Variants in CCDC91 observed in about 807,000 individuals in gnomAD.
CCDC91 encodes the protein coiled-coil domain-containing protein 91.
Under a neutral mutation model 63.2 loss-of-function variants are expected in CCDC91, and 48 were observed. That is an observed-to-expected ratio of 0.76 (90% CI 0.60 to 0.97). The LOEUF (loss-of-function observed/expected upper bound fraction) is 0.97, where lower values mean the gene tolerates loss of function less well. Among genes scored for constraint, CCDC91 ranks in the 50% least tolerant of loss-of-function variants. The pLI is 0.00. For synonymous variants in CCDC91, 167 were observed against 165.8 expected (o/e 1.01, Z -0.06); for missense variants, 500 against 494.6 (o/e 1.01, Z -0.10).
At chr12:28,522,260 G>T (rs913265744) in intron 12 of CCDC91, among the ~76,000 whole-genome samples, 32 of 152,110 alleles carry the variant, frequency 2.1e-4, no homozygotes, top group Non-Finnish European at 4.6e-4. Flanking sequence ...GCCTGTTATT[G>T]GTCTATTCGG....
chr12:28,229,505 C>T (rs191640277), intron 1 of CCDC91, among the ~76,000 whole-genome samples: 1 of 152,214 alleles, frequency 6.6e-6, no homozygotes, highest in East Asian at 1.9e-4. Flanking sequence ...AGATACGAAT[C>T]AGAAGAAATA....
chr12:28,376,107 G>T (rs993206976), intron 7 of CCDC91, among the ~76,000 whole-genome samples: 3 of 151,756 alleles, frequency 2.0e-5, no homozygotes, highest in South Asian at 2.1e-4. Context: ...GACATTTGTC[G>T]AGTTTTTCTT....
chr12:28,363,876 G>GAAAA (rs34997286), intron 7 of CCDC91, among the ~76,000 whole-genome samples: 7 of 52,546 alleles, frequency 1.3e-4, no homozygotes, highest in African/African-American at 1.8e-4. Flanking sequence ...GGCTCCATCT[G>GAAAA]AAAAAAAAAA....
chr12:28,532,169 G>A (rs1229048672), intron 12 of CCDC91, among the ~76,000 whole-genome samples: 1 of 152,078 alleles, frequency 6.6e-6, no homozygotes, highest in Admixed American at 6.6e-5. Flanking sequence ...AGAACAGGAT[G>A]GCTAGAGCTA....
intron 8 of CCDC91, among the ~76,000 whole-genome samples, chr12:28,426,234 T>G (rs1468664102): frequency 2.0e-5 from 3 of 152,166 alleles, no homozygotes; most frequent in East Asian, 1.9e-4. Context: ...TTTCAAAATT[T>G]CCTCCTTTTC....
chr12:28,326,000 A>G (rs1211547377), intron 6 of CCDC91, among the ~76,000 whole-genome samples: 1 of 152,170 alleles, frequency 6.6e-6, no homozygotes, highest in African/African-American at 2.4e-5. Context: ...TATTCCTTGC[A>G]TACAAAACTT....
chr12:28,521,395 A>T (rs1286059123), intron 12 of CCDC91, among the ~76,000 whole-genome samples: 5 of 152,126 alleles, frequency 3.3e-5, no homozygotes, highest in Admixed American at 3.3e-4. Flanking sequence ...GTGTATAAGA[A>T]TGCTTGTGAT....
intron 3 of CCDC91, among the ~76,000 whole-genome samples, chr12:28,262,544 C>G (rs1335600373): frequency 1.3e-5 from 2 of 151,938 alleles, no homozygotes; most frequent in African/African-American, 4.8e-5. Context: ...GCCTGCAGTT[C>G]TGTCAATGGG....
chr12:28,541,455 C>T (rs1942624728), intron 12 of CCDC91, among the ~76,000 whole-genome samples: 1 of 152,008 alleles, frequency 6.6e-6, no homozygotes, highest in South Asian at 2.1e-4. Flanking sequence ...CTAACTTCTG[C>T]TAATATTAGG....
intron 6 of CCDC91, among the ~76,000 whole-genome samples, chr12:28,348,913 GGT>G (rs1258064270): frequency 2.0e-5 from 3 of 151,856 alleles, no homozygotes; most frequent in Non-Finnish European, 4.4e-5. Flanking sequence ...TTGTAGAGAC[GGT>G]GTTTTGCTCT....
chr12:28,193,672 G>A (rs1471143640), intron 1 of CCDC91, among the ~76,000 whole-genome samples: 1 of 151,294 alleles, frequency 6.6e-6, no homozygotes, highest in African/African-American at 2.4e-5. Flanking sequence ...TTGCATTCCC[G>A]CAAGTGATGT....
At chr12:28,402,861 G>A (rs117874199) in intron 8 of CCDC91, among the ~76,000 whole-genome samples, 479 of 152,182 alleles carry the variant, frequency 3.1e-3, no homozygotes, top group Non-Finnish European at 4.5e-3. Context: ...ATGAACGTGT[G>A]TTGGATTTTT....
At position 28,264,585 on chromosome 12, in the gene CCDC91, C is replaced by CTGTGTGTGTGTGTGTGTGTGTGTGTG. The variant is rs34854850; in HGVS notation, c.109+5153_109+5178dup. Among the ~76,000 whole-genome samples the CTGTGTGTGTGTGTGTGTGTGTGTGTG allele has an allele frequency of 2.2e-5, 3 of 137,258 alleles. No homozygotes were observed. In the East Asian group the frequency reaches 6.4e-4, roughly 29 times the overall value. 90.0% of individuals were successfully genotyped at this position (137,258 alleles called of 152,430 possible). On this transcript the variant is annotated intron_variant, in intron 3 of 12. Coordinates refer to ENST00000536442, the MANE Select transcript of CCDC91 (RefSeq NM_018318.5). Reference sequence around the variant, plus strand: ...TAGGCACATATATATATATGTCTGTCTGTGTGTGTGTGTGTGTGTGTGTGT... The same window carrying CTGTGTGTGTGTGTGTGTGTGTGTGTG: ...TAGGCACATATATATATATGTCTGTCTGTGTGTGTGTGTGTGTGTGTGTGTGTGTGTGTGTGTGTGTGTGTGTGTGT...
chr12:28,192,471 T>C (rs1418880847), intron 1 of CCDC91, among the ~76,000 whole-genome samples: 1 of 152,208 alleles, frequency 6.6e-6, no homozygotes, highest in Admixed American at 6.5e-5. Context: ...TGTCAACCTG[T>C]TCCTTGTGAT....
chr12:28,442,366 T>C (rs1949271751), intron 8 of CCDC91, among the ~76,000 whole-genome samples: 2 of 152,142 alleles, frequency 1.3e-5, no homozygotes, highest in African/African-American at 4.8e-5. Flanking sequence ...CGTTATACAA[T>C]AGACCAGAGT....
At chr12:28,293,725 T>C (rs1397357773) in intron 3 of CCDC91, among the ~76,000 whole-genome samples, 1 of 152,108 alleles carries the variant, frequency 6.6e-6, no homozygotes. Flanking sequence ...TTTCCTTGTC[T>C]GTATTTTTTT....
rs142825598 is a variant in CCDC91, at chr12:28,318,507, C to CTCTA, written c.576+10759_576+10762dup. ...AATGAGCTATGATTGCACCACTGTA[C>CTCTA]TCTAACCTCAGTGACAGAGCCAGAC... On this transcript the variant is annotated intron_variant, in intron 6 of 12. Transcript: ENST00000536442. 6.5e-4 allele frequency among the ~76,000 whole-genome samples: 99 copies of CTCTA among 152,072 alleles called. 4 individuals carry two copies. In the East Asian group the frequency reaches 0.019, roughly 29 times the overall value.
chr12:28,507,410 C>T (rs966062202), intron 12 of CCDC91, among the ~76,000 whole-genome samples: 4 of 151,952 alleles, frequency 2.6e-5, no homozygotes, highest in African/African-American at 7.2e-5. Flanking sequence ...CAGTAGTAGC[C>T]ACCCCCTAGT....
At chr12:28,267,503 A>G (rs1039475527) in intron 3 of CCDC91, among the ~76,000 whole-genome samples, 1 of 150,246 alleles carries the variant, frequency 6.7e-6, no homozygotes, top group Admixed American at 6.7e-5. Context: ...ATGATAATGT[A>G]TATTGTTTCT....
Sources: gnomAD v4.1 joint callset for allele counts (sites outside exome capture counted in the v4.1 genomes callset) on GRCh38, gnomAD v4.1.1 for gene constraint, MANE v1.5 for transcripts, NCBI Gene and HGNC (gene_info 2026-07-23, HGNC 2026-07-21) for gene names.